The following DRC4 variants were observed in gnomAD, a reference collection of about 807,000 sequenced individuals.
The protein encoded by DRC4 is GAS-11.
chr16:90,037,229 C>G, the DRC4 span: 1 of 1,605,608 alleles, frequency 6.2e-7, no homozygotes, highest in Non-Finnish European at 8.5e-7. Flanking sequence ...CTTGTGCCTG[C>G]AGGAGCAGAT....
the DRC4 span, chr16:90,043,407 T>G: frequency 6.8e-7 from 1 of 1,474,050 alleles, no homozygotes; most frequent in African/African-American, 1.4e-5. Context: ...ATGACACCCC[T>G]TATCACACCA....
chr16:90,026,149 C>G, the DRC4 span, among the ~76,000 whole-genome samples: 1 of 152,060 alleles, frequency 6.6e-6, no homozygotes, highest in Non-Finnish European at 1.5e-5. Flanking sequence ...CATGTAGACA[C>G]AGAAAAGCAT....
the DRC4 span, chr16:90,037,912 C>A: frequency 7.0e-7 from 1 of 1,434,158 alleles, no homozygotes; most frequent in South Asian, 1.1e-5. Context: ...TCACCAAGTT[C>A]ACCAAGGTGA....
the DRC4 span, among the ~76,000 whole-genome samples, chr16:90,024,998 C>T: frequency 6.6e-6 from 1 of 150,524 alleles, no homozygotes; most frequent in Admixed American, 6.6e-5. Context: ...AAAATTTCCA[C>T]ATAATATTTT....
the DRC4 span, chr16:90,022,592 T>C: frequency 1.8e-6 from 2 of 1,090,010 alleles, no homozygotes; most frequent in Non-Finnish European, 2.4e-6. Context: ...GCAGGGCCGC[T>C]GCCCGGCGGA....
chr16:90,021,443 A>T, the DRC4 span, among the ~76,000 whole-genome samples: 1 of 151,346 alleles, frequency 6.6e-6, no homozygotes, highest in South Asian at 2.1e-4. Context: ...ACAGGGTCTC[A>T]GGTCTCATTC....
the DRC4 span, chr16:90,031,330 A>T: frequency 6.2e-7 from 1 of 1,613,182 alleles, no homozygotes; most frequent in South Asian, 1.1e-5. Flanking sequence ...ATCCGGGAGG[A>T]GCTGGACCGC....
the DRC4 span, chr16:90,044,144 A>G: frequency 2.2e-5 from 10 of 455,622 alleles, no homozygotes; most frequent in Non-Finnish European, 3.1e-5. Flanking sequence ...GCCACAGCCC[A>G]GTAAGTCAGG....
At chr16:90,033,425 G>A in the DRC4 span, among the ~76,000 whole-genome samples, 2 of 152,218 alleles carry the variant, frequency 1.3e-5, no homozygotes, top group African/African-American at 4.8e-5. Flanking sequence ...GCACTTGGGA[G>A]GGTCAGGTGG....
At chr16:90,038,334 C>T in the DRC4 span, among the ~76,000 whole-genome samples, 11 of 152,138 alleles carry the variant, frequency 7.2e-5, no homozygotes, top group African/African-American at 2.4e-4. Context: ...GTTACGAACA[C>T]GGGATCAGGC....
At chr16:90,042,453 C>G in the DRC4 span, 1 of 1,613,030 alleles carries the variant, frequency 6.2e-7, no homozygotes, top group Non-Finnish European at 8.5e-7. Context: ...AAACTCCCAT[C>G]ACCTCTCTCT....
the DRC4 span, chr16:90,042,633 G>C: frequency 1.0e-6 from 1 of 986,838 alleles, no homozygotes; most frequent in Non-Finnish European, 1.6e-6. Flanking sequence ...TGCCCACTTC[G>C]TACCTCGTTT....
At chr16:90,022,707 C>G in the DRC4 span, 18 of 1,423,512 alleles carry the variant, frequency 1.3e-5, no homozygotes, top group Admixed American at 2.5e-5. Context: ...GCCGCTGGGC[C>G]TGTCCGCTGG....
chr16:90,020,368 C>T, the DRC4 span, among the ~76,000 whole-genome samples: 1 of 152,004 alleles, frequency 6.6e-6, no homozygotes, highest in Non-Finnish European at 1.5e-5. Context: ...TCTTGTTAAC[C>T]CAGCATCCAG....
the DRC4 span, chr16:90,043,911 G>T: frequency 2.2e-6 from 1 of 446,952 alleles, no homozygotes; most frequent in Admixed American, 2.6e-5. Flanking sequence ...GCCAGTCTTC[G>T]CTCTAACTCC....
chr16:90,019,715 C>T, the DRC4 span: 2 of 626,192 alleles, frequency 3.2e-6, no homozygotes, highest in South Asian at 3.4e-5. This position sits in a 1 kb window ranked among gnomAD's most constrained non-coding sequence, Gnocchi z 6.1. Flanking sequence ...GTCCGGGGCT[C>T]CTGCGCACTC....
At chr16:90,024,346 A>T in the DRC4 span, among the ~76,000 whole-genome samples, 1 of 152,174 alleles carries the variant, frequency 6.6e-6, no homozygotes, top group Admixed American at 6.6e-5. Flanking sequence ...ATTAAAATCC[A>T]AAGGACTGAG....
chr16:90,027,211 G>A, the DRC4 span, among the ~76,000 whole-genome samples: 2 of 151,464 alleles, frequency 1.3e-5, no homozygotes, highest in Non-Finnish European at 1.5e-5. Context: ...TCAGCCTCCC[G>A]AGTAGCTGGG....
the DRC4 span, chr16:90,042,872 G>C: frequency 2.0e-6 from 1 of 501,592 alleles, no homozygotes. Flanking sequence ...GGGGAAGGGA[G>C]GGCGTGAAGA....
Sources: allele counts gnomAD v4.1 joint callset (sites outside exome capture counted in the v4.1 genomes callset), GRCh38; gene constraint gnomAD v4.1.1; non-coding constraint Gnocchi (gnomAD v3.1); transcripts MANE v1.5; gene names NCBI Gene and HGNC (gene_info 2026-07-23, HGNC 2026-07-21).